Variants in SPHKAP observed in about 807,000 individuals in gnomAD.
SPHKAP encodes the protein SPHK1 interactor, AKAP domain containing.
SPHKAP carries 67 observed loss-of-function variants against 137.5 expected under a neutral mutation model. The observed-to-expected ratio is 0.49, with a 90% CI of 0.40 to 0.60. SPHKAP has a LOEUF of 0.60. SPHKAP is among the 20% of genes least tolerant of loss of function. The pLI is 0.00. For missense variants in SPHKAP, 2,097 were observed against 2,069.3 expected (o/e 1.01, Z -0.26); for synonymous variants, 813 against 785.3 (o/e 1.04, Z -0.59).
At position 228,087,701 on chromosome 2, in the gene SPHKAP, A is replaced by G. The variant is rs1371795369; in HGVS notation, c.246+21131T>C. ...AGCTCAACAGTAGATTTGAACTGGC[A>G]GAAGAAATAATCAGTGAACTTAAAG... On this transcript the variant is annotated intron_variant, in intron 3 of 11. Coordinates refer to ENST00000392056, the MANE Select transcript of SPHKAP (RefSeq NM_001142644.2). 3.3e-5 allele frequency among the ~76,000 whole-genome samples: 5 copies of G among 152,326 alleles called. No homozygotes were observed. The East Asian group carries it at 9.6e-4, about 29-fold the overall frequency.
At chr2:228,044,989 A>G (rs1249234574) in intron 3 of SPHKAP, among the ~76,000 whole-genome samples, 1 of 152,198 alleles carries the variant, frequency 6.6e-6, no homozygotes, top group Non-Finnish European at 1.5e-5. Flanking sequence ...CAAAAAACAC[A>G]TGAAAAAATG....
chr2:228,073,371 C>T (rs1210218918), intron 3 of SPHKAP, among the ~76,000 whole-genome samples: 1 of 152,214 alleles, frequency 6.6e-6, no homozygotes, highest in Non-Finnish European at 1.5e-5. Context: ...CAGACACTGC[C>T]TACCTGAAAA....
intron 3 of SPHKAP, among the ~76,000 whole-genome samples, chr2:228,067,116 G>A (rs934293023): frequency 6.6e-6 from 1 of 152,138 alleles, no homozygotes. Flanking sequence ...TTATGTTGTC[G>A]TTGCATGGTG....
intron 7 of SPHKAP, among the ~76,000 whole-genome samples, chr2:228,006,315 C>T (rs1342243240): frequency 6.6e-6 from 1 of 152,204 alleles, no homozygotes; most frequent in African/African-American, 2.4e-5. Context: ...GATACCCTTT[C>T]TTCCAGTTGA....
intron 3 of SPHKAP, among the ~76,000 whole-genome samples, chr2:228,094,347 C>T (rs1212525907): frequency 6.6e-6 from 1 of 152,128 alleles, no homozygotes; most frequent in Admixed American, 6.6e-5. Context: ...TGTTTTCTCA[C>T]CTGAAAAATG....
chr2:228,142,700 G>A (rs1361434591), intron 1 of SPHKAP, among the ~76,000 whole-genome samples: 3 of 152,088 alleles, frequency 2.0e-5, no homozygotes, highest in Non-Finnish European at 4.4e-5. Flanking sequence ...GCGTTTTGGA[G>A]GGTGGAGGGT....
At chr2:228,037,004 G>T (rs964884563) in intron 3 of SPHKAP, among the ~76,000 whole-genome samples, 7 of 151,970 alleles carry the variant, frequency 4.6e-5, no homozygotes, top group African/African-American at 1.7e-4. Flanking sequence ...TGCACATTGT[G>T]CGCATGTACC....
chr2:228,020,821 T>TCAAATTTCATGATA (rs1325223009), intron 6 of SPHKAP, among the ~76,000 whole-genome samples: 3 of 152,174 alleles, frequency 2.0e-5, no homozygotes, highest in Non-Finnish European at 2.9e-5. Flanking sequence ...GAAAAGGCTT[T>TCAAATTTCATGATA]CAAATTTCAT....
At position 228,056,243 on chromosome 2, in the gene SPHKAP, C is replaced by T. The variant is rs114319820; in HGVS notation, c.247-28700G>A. ...AAGGTGGACTCATGAAGAGAGGGGCCATGGTCTGTCGCTATGTGCCCAGCA... is the reference window on the plus strand; with the variant it reads ...AAGGTGGACTCATGAAGAGAGGGGCTATGGTCTGTCGCTATGTGCCCAGCA... On this transcript the variant is annotated intron_variant, in intron 3 of 11. Transcript: ENST00000392056. Among the ~76,000 whole-genome samples, 235 of 152,288 alleles carry T rather than the reference C, an allele frequency of 1.5e-3. 1 individual carries two copies. The highest frequency in any genetic ancestry group is 5.1e-3 in the African/African-American group (214 of 41,562).
intron 2 of SPHKAP, among the ~76,000 whole-genome samples, chr2:228,113,864 G>T (rs1286316307): frequency 1.3e-5 from 2 of 151,962 alleles, no homozygotes; most frequent in African/African-American, 4.8e-5. Context: ...TATGCATTGA[G>T]AGCCAAATAA....
intron 2 of SPHKAP, among the ~76,000 whole-genome samples, chr2:228,120,744 G>T (rs1001494637): frequency 2.0e-5 from 3 of 152,216 alleles, no homozygotes; most frequent in Non-Finnish European, 4.4e-5. Flanking sequence ...ACAGATGTCA[G>T]CTGGCTGAAG....
At chr2:228,011,741 G>T (rs1694381433) in intron 7 of SPHKAP, among the ~76,000 whole-genome samples, 1 of 151,792 alleles carries the variant, frequency 6.6e-6, no homozygotes, top group African/African-American at 2.4e-5. Flanking sequence ...TATTATACGG[G>T]GTATACTGTG....
intron 1 of SPHKAP, among the ~76,000 whole-genome samples, chr2:228,166,409 A>G (rs992543547): frequency 6.6e-6 from 1 of 152,176 alleles, no homozygotes; most frequent in Non-Finnish European, 1.5e-5. Context: ...TTTACTTCAC[A>G]TGCCTTTTTC....
At chr2:228,031,236 G>C (rs1427865380) in intron 3 of SPHKAP, among the ~76,000 whole-genome samples, 3 of 152,250 alleles carry the variant, frequency 2.0e-5, no homozygotes, top group South Asian at 2.1e-4. Context: ...ACCTGGCTCA[G>C]AGGGTCCTAC....
intron 1 of SPHKAP, among the ~76,000 whole-genome samples, chr2:228,142,188 G>T (rs896315256): frequency 1.3e-5 from 2 of 152,186 alleles, no homozygotes; most frequent in Admixed American, 6.5e-5. Context: ...GAGAAGAAAC[G>T]TAGTTGCATG....
chr2:228,104,680 A>C (rs77395684), intron 3 of SPHKAP, among the ~76,000 whole-genome samples: 483 of 152,230 alleles, frequency 3.2e-3, no homozygotes, highest in African/African-American at 0.011. Flanking sequence ...GCTTGTTTAC[A>C]AATTTAAGGC....
chr2:228,129,006 T>C (rs947586417), intron 2 of SPHKAP, among the ~76,000 whole-genome samples: 1 of 152,178 alleles, frequency 6.6e-6, no homozygotes, highest in African/African-American at 2.4e-5. Flanking sequence ...GGCCGTCACT[T>C]AAAGTTACCA....
At chr2:228,066,779 G>A (rs1440033399) in intron 3 of SPHKAP, among the ~76,000 whole-genome samples, 1 of 152,160 alleles carries the variant, frequency 6.6e-6, no homozygotes, top group Non-Finnish European at 1.5e-5. Context: ...ATTCTTCCAT[G>A]ATAAATTTTC....
chr2:227,996,063 G>T (rs959058002), intron 7 of SPHKAP: 4 of 983,174 alleles, frequency 4.1e-6, no homozygotes, highest in East Asian at 1.1e-4. Flanking sequence ...CTGGAAGGAG[G>T]TCCACAAATC....
Sources: gnomAD v4.1 joint callset for allele counts (sites outside exome capture counted in the v4.1 genomes callset) on GRCh38, gnomAD v4.1.1 for gene constraint, MANE v1.5 for transcripts, NCBI Gene and HGNC (gene_info 2026-07-23, HGNC 2026-07-21) for gene names.